Variants in GOLM2 observed in about 807,000 individuals in gnomAD.
The protein encoded by GOLM2 is golgi membrane protein 2.
In GOLM2, 26 loss-of-function variants were observed where a neutral mutation model predicts 55.9. The ratio of observed to expected loss-of-function variants is 0.47; its 90% CI spans 0.34 to 0.65. The LOEUF is 0.65. Ranked by LOEUF, GOLM2 falls within the 30% of genes least tolerant of loss-of-function variation. GOLM2 has a pLI of 0.01. For missense variants in GOLM2, 486 were observed against 531.8 expected (o/e 0.91, Z 0.85); for synonymous variants, 165 against 194.6 (o/e 0.85, Z 1.27).
chr15:44,298,319 A>G (rs1265474736), intron 1 of GOLM2, among the ~76,000 whole-genome samples: 1 of 144,942 alleles, frequency 6.9e-6, no homozygotes, highest in Non-Finnish European at 1.5e-5. Context: ...GTTGGAGTGC[A>G]ATGGCGCGAT....
intron 6 of GOLM2, among the ~76,000 whole-genome samples, chr15:44,363,696 T>C (rs1042634149): frequency 1.3e-5 from 2 of 151,936 alleles, no homozygotes; most frequent in Non-Finnish European, 2.9e-5. Flanking sequence ...TTACTGGGTA[T>C]ATACCCAAAG....
chr15:44,366,457 C>T (rs928819113), intron 6 of GOLM2, among the ~76,000 whole-genome samples: 10 of 151,480 alleles, frequency 6.6e-5, no homozygotes, highest in Non-Finnish European at 1.5e-4. Context: ...GTCTGGACAA[C>T]ATAATATGAG....
chr15:44,326,571 CT>C (rs1165218990), intron 2 of GOLM2, among the ~76,000 whole-genome samples: 13 of 148,016 alleles, frequency 8.8e-5, no homozygotes, highest in Admixed American at 1.3e-4. Flanking sequence ...TTATTCTAGT[CT>C]TTTTTTTTGC....
chr15:44,381,532 C>T (rs922087647), intron 8 of GOLM2, among the ~76,000 whole-genome samples: 1 of 152,146 alleles, frequency 6.6e-6, no homozygotes, highest in African/African-American at 2.4e-5. Flanking sequence ...TTAAACTGTG[C>T]TTTTCACTGG....
rs759257599 is a variant in GOLM2 at position 44,413,439 on chromosome 15, G to A, written c.*33G>A. ...AGGAATGCTTCAGAAAACCTAAAGT[G>A]CTGTAAAATGAAATCATTCTACTTT... is the stretch of plus-strand genomic sequence containing the variant. On this transcript the variant is annotated 3_prime_UTR_variant, in exon 10 of 10. Coordinates refer to ENST00000299957, the MANE Select transcript of GOLM2 (RefSeq NM_138423.4). The A allele has an allele frequency of 1.4e-6, 2 of 1,459,334 alleles. No homozygotes were observed. The highest frequency in any genetic ancestry group is 3.6e-5 in the Admixed American group (2 of 55,442). The allele number at this position is 1,459,334 out of a possible 1,614,324, so 90.4% of individuals were successfully genotyped here.
intron 6 of GOLM2, among the ~76,000 whole-genome samples, chr15:44,375,548 A>G (rs1411280904): frequency 6.6e-6 from 1 of 151,560 alleles, no homozygotes; most frequent in Non-Finnish European, 1.5e-5. Flanking sequence ...AGGCCAGGAC[A>G]GGAAGATGGC....
intron 6 of GOLM2, among the ~76,000 whole-genome samples, chr15:44,369,487 A>C (rs191231350): frequency 6.6e-6 from 1 of 152,014 alleles, no homozygotes; most frequent in Non-Finnish European, 1.5e-5. Flanking sequence ...TCGTAGGACA[A>C]TAACTTGGTC....
intron 6 of GOLM2, among the ~76,000 whole-genome samples, chr15:44,343,702 G>C (rs1026869649): frequency 6.6e-6 from 1 of 151,708 alleles, no homozygotes; most frequent in Non-Finnish European, 1.5e-5. Context: ...GCACACACCT[G>C]TAATTCCAGC....
In GOLM2 at chr15:44,366,308, A is replaced by AC. The variant is rs1173553556; in HGVS notation, c.803-13382_803-13381insC. ...CGAGACTCCGTCTCAAAAAAAAAAA[A>AC]AAAAAACAAAACAAACAAACCACAA... On this transcript the variant is annotated intron_variant, in intron 6 of 9. Coordinates refer to ENST00000299957, the MANE Select transcript of GOLM2 (RefSeq NM_138423.4). Among the ~76,000 whole-genome samples the AC allele has an allele frequency of 4.5e-3, 685 of 151,596 alleles. 8 individuals are homozygous for AC. The highest frequency in any genetic ancestry group is 0.012 in the East Asian group (59 of 5,130).
chr15:44,411,892 C>G (rs1220840473), intron 9 of GOLM2, among the ~76,000 whole-genome samples: 1 of 151,610 alleles, frequency 6.6e-6, no homozygotes, highest in Non-Finnish European at 1.5e-5. Context: ...CATCAAAATA[C>G]TTTTCATTCT....
chr15:44,410,416 G>A (rs755300594), intron 9 of GOLM2, among the ~76,000 whole-genome samples: 2 of 152,240 alleles, frequency 1.3e-5, no homozygotes, highest in Non-Finnish European at 2.9e-5. Flanking sequence ...GGGCGACCCA[G>A]TGAGACTCCG....
chr15:44,385,714 T>G (rs1206636608), intron 8 of GOLM2, among the ~76,000 whole-genome samples: 1 of 151,870 alleles, frequency 6.6e-6, no homozygotes, highest in African/African-American at 2.4e-5. Flanking sequence ...GTCTGGCTAG[T>G]GTATGTATTT....
At chr15:44,325,293 AT>A (rs1279298382) in intron 2 of GOLM2, among the ~76,000 whole-genome samples, 4 of 152,220 alleles carry the variant, frequency 2.6e-5, no homozygotes, top group East Asian at 1.9e-4. Flanking sequence ...CAAATAGGAA[AT>A]AATCATATTT....
chr15:44,354,653 C>G (rs997870534), intron 6 of GOLM2: 3 of 151,890 alleles, frequency 2.0e-5, no homozygotes, highest in African/African-American at 7.3e-5. Flanking sequence ...AGCAGCCATG[C>G]AGCAGCAGCC....
At chr15:44,346,267 CAG>C (rs911982871) in intron 6 of GOLM2, 1 of 151,458 alleles carries the variant, frequency 6.6e-6, no homozygotes, top group African/African-American at 2.4e-5. Flanking sequence ...TTTTCTAGAA[CAG>C]AGGCTTCGAA....
chr15:44,365,863 A>G (rs1416202918), intron 6 of GOLM2, among the ~76,000 whole-genome samples: 17 of 152,196 alleles, frequency 1.1e-4, no homozygotes, highest in Admixed American at 1.1e-3. Context: ...GTGCCAGTGT[A>G]AGTTCATCAG....
intron 6 of GOLM2, among the ~76,000 whole-genome samples, chr15:44,342,898 A>G (rs1404960305): frequency 6.6e-6 from 1 of 152,244 alleles, no homozygotes; most frequent in Non-Finnish European, 1.5e-5. Flanking sequence ...TTTGGCTCTT[A>G]TCTTTTAACA....
At chr15:44,325,397 C>T (rs898840726) in intron 2 of GOLM2, among the ~76,000 whole-genome samples, 1 of 152,022 alleles carries the variant, frequency 6.6e-6, no homozygotes, top group Non-Finnish European at 1.5e-5. Context: ...AATTTTATTT[C>T]CTGATAGATG....
chr15:44,402,956 G>C lies in GOLM2; in HGVS notation c.1142G>C (p.Gly381Ala). The C allele has an allele frequency of 1.2e-6, 2 of 1,613,962 alleles. No homozygotes were observed. The highest frequency in any genetic ancestry group is 1.7e-6 in the Non-Finnish European group (2 of 1,179,992). The change falls in exon 9 of 10, where the codon GGG becomes GCG. Residue 381 changes from glycine (G) to alanine (A), a missense_variant. Gly to Ala is a moderately conservative substitution (Grantham distance 60, BLOSUM62 0). Transcript: ENST00000299957. ...GGCTCTAAACTGGCGGATTATAATG[G>C]GGATGATGGTAACGTAGGTGAGTAT... The part of the protein sequence containing the change: ...QHGSKLADYN[G>A]DDGNVGEYEA...
Sources: allele counts gnomAD v4.1 joint callset (sites outside exome capture counted in the v4.1 genomes callset), GRCh38; gene constraint gnomAD v4.1.1; transcripts MANE v1.5; gene names NCBI Gene and HGNC (gene_info 2026-07-23, HGNC 2026-07-21).